Variants in SEH1L observed in about 807,000 individuals in gnomAD.
The protein encoded by SEH1L is SEH1 like nucleoporin, also known as nucleoporin SEH1.
A neutral mutation model predicts 49.5 loss-of-function variants in SEH1L; 18 were observed. That is an observed-to-expected ratio of 0.36 (90% CI 0.25 to 0.54). The LOEUF (loss-of-function observed/expected upper bound fraction) is 0.54. Among genes scored for constraint, SEH1L ranks in the 20% least tolerant of loss-of-function variants. SEH1L has a pLI of 0.87. For synonymous variants in SEH1L, 169 were observed against 178.1 expected, an observed-to-expected ratio of 0.95 and a Z score of 0.41; for missense variants, 404 against 528.8, an observed-to-expected ratio of 0.76 and a Z score of 2.31.
intron 6 of SEH1L, among the ~76,000 whole-genome samples, chr18:12,980,890 T>G (rs553308129): frequency 1.4e-5 from 2 of 141,174 alleles, no homozygotes; most frequent in African/African-American, 5.4e-5. Flanking sequence ...CCCACCTCCC[T>G]TCCGGACGGG....
Position 12,987,202 on chromosome 18 carries a change from G to C in SEH1L, c.*145G>C. ...GTATTACAACCAGAATACAGTGTTT[G>C]GAACCTAAATCTGTTTGTGCGTCTG... On this transcript the variant is annotated 3_prime_UTR_variant, in exon 9 of 9. Coordinates refer to ENST00000399892, the MANE Select transcript of SEH1L (RefSeq NM_001013437.2). The C allele has an allele frequency of 1.9e-6, 1 of 532,196 alleles. No individual in the cohort carries two copies. Among genetic ancestry groups the C allele is most frequent in the South Asian group, 3.0e-5 (1 of 33,246 alleles). The allele number at this position is 532,196 out of a possible 1,614,324, so 33.0% of individuals were successfully genotyped here. A position where few individuals can be genotyped will look rare whatever the true frequency, so the allele number is the denominator to read the frequency against.
At chr18:12,955,395 A>G in intron 2 of SEH1L, 68 bp from the exon 3 acceptor site, 1 of 1,458,674 alleles carries the variant, frequency 6.9e-7, no homozygotes, top group Non-Finnish European at 9.3e-7. Context: ...ATGAATAAGT[A>G]TTTAGGAAAA....
intron 4 of SEH1L, among the ~76,000 whole-genome samples, chr18:12,964,210 GA>G (rs1298907918): frequency 1.3e-5 from 2 of 151,898 alleles, no homozygotes; most frequent in Admixed American, 1.3e-4. Flanking sequence ...ACTTGGTGAA[GA>G]AAAAAATTGA....
At chr18:12,976,108 T>A (rs994382072) in intron 5 of SEH1L, among the ~76,000 whole-genome samples, 1 of 152,170 alleles carries the variant, frequency 6.6e-6, no homozygotes, top group Non-Finnish European at 1.5e-5. Context: ...CAGTACAGAT[T>A]CGGTATTTCA....
chr18:12,966,876 A>C (rs2031476207), intron 4 of SEH1L, among the ~76,000 whole-genome samples: 1 of 151,910 alleles, frequency 6.6e-6, no homozygotes, highest in South Asian at 2.1e-4. Flanking sequence ...AATTGTTTGG[A>C]GATTTAGTAC....
At chr18:12,950,465 C>T (rs2030450682) in intron 1 of SEH1L, among the ~76,000 whole-genome samples, 1 of 152,072 alleles carries the variant, frequency 6.6e-6, no homozygotes, top group Non-Finnish European at 1.5e-5. Context: ...AGACTTATTG[C>T]TAATGTGTTA....
intron 3 of SEH1L, among the ~76,000 whole-genome samples, chr18:12,962,484 T>G (rs1356654367): frequency 7.1e-5 from 10 of 140,764 alleles, no homozygotes; most frequent in Non-Finnish European, 1.2e-4. Context: ...TTTTTTTTTT[T>G]TGAGAGAGGG....
At chr18:12,949,071 G>A (rs187987386) in intron 1 of SEH1L, among the ~76,000 whole-genome samples, 89 of 151,310 alleles carry the variant, frequency 5.9e-4, no homozygotes, top group African/African-American at 2.1e-3. Flanking sequence ...ATGTGGGCCA[G>A]GCTGGTCTCG....
chr18:12,982,737 A>G, intron 7 of SEH1L, 62 bp downstream of exon 7: 1 of 1,262,934 alleles, frequency 7.9e-7, no homozygotes, highest in Non-Finnish European at 1.1e-6. Context: ...TTTTACTTAA[A>G]ATGTAAACTC....
chr18:12,971,420 AGAG>A, intron 5 of SEH1L, 169 bp downstream of exon 5: 1 of 478,960 alleles, frequency 2.1e-6, no homozygotes, highest in East Asian at 3.7e-5. Context: ...TGAGTGATAA[AGAG>A]GAGAAAGTAG....
chr18:12,954,338 G>T (rs569873287), intron 2 of SEH1L, among the ~76,000 whole-genome samples: 29 of 152,084 alleles, frequency 1.9e-4, no homozygotes, highest in Non-Finnish European at 3.4e-4. Flanking sequence ...CAACAGGAGG[G>T]GTGTAAGGAT....
At chr18:12,950,153 C>T (rs1457943243) in intron 1 of SEH1L, among the ~76,000 whole-genome samples, 1 of 152,096 alleles carries the variant, frequency 6.6e-6, no homozygotes, top group South Asian at 2.1e-4. Flanking sequence ...CCCACCTTAG[C>T]CTCTCCAGTA....
chr18:12,950,620 C>T (rs988379526), intron 1 of SEH1L, among the ~76,000 whole-genome samples: 1 of 151,942 alleles, frequency 6.6e-6, no homozygotes, highest in African/African-American at 2.4e-5. Context: ...GAATGATTTT[C>T]TTAGGCTAAT....
intron 5 of SEH1L, among the ~76,000 whole-genome samples, chr18:12,975,562 G>T (rs2031883840): frequency 6.6e-6 from 1 of 151,796 alleles, no homozygotes; most frequent in African/African-American, 2.4e-5. Flanking sequence ...CAAGGGCGTG[G>T]GGTCGAGGCG....
intron 3 of SEH1L, 22 bp downstream of exon 3, chr18:12,955,631 TG>T: frequency 1.2e-6 from 2 of 1,611,184 alleles, no homozygotes; most frequent in Non-Finnish European, 1.7e-6. Context: ...ATTAGTATTC[TG>T]GGGACCGGGA....
chr18:12,966,537 C>T (rs1475872074), intron 4 of SEH1L, among the ~76,000 whole-genome samples: 3 of 152,156 alleles, frequency 2.0e-5, no homozygotes, highest in Admixed American at 1.3e-4. Context: ...GTAACTGGGA[C>T]TACAGGCATT....
chr18:12,978,729 A>T, intron 5 of SEH1L, 23 bp from the exon 6 acceptor site: 2 of 1,590,516 alleles, frequency 1.3e-6, no homozygotes, highest in Non-Finnish European at 1.7e-6. Context: ...CTAAAATGTT[A>T]ATGTCAATTG....
At chr18:12,976,540 A>C (rs922627593) in intron 5 of SEH1L, 9 of 152,254 alleles carry the variant, frequency 5.9e-5, no homozygotes, top group Non-Finnish European at 1.3e-4. Context: ...TTCTGGCTGC[A>C]GCATGTGTGC....
intron 3 of SEH1L, among the ~76,000 whole-genome samples, chr18:12,961,213 A>T (rs985866947): frequency 6.6e-6 from 1 of 152,160 alleles, no homozygotes; most frequent in South Asian, 2.1e-4. Flanking sequence ...TGTTCCTAGA[A>T]GGTCATAGAT....
Sources: gnomAD v4.1 joint callset for allele counts (sites outside exome capture counted in the v4.1 genomes callset) on GRCh38, gnomAD v4.1.1 for gene constraint, MANE v1.5 for transcripts, NCBI Gene and HGNC (gene_info 2026-07-23, HGNC 2026-07-21) for gene names.